Variants in MYRIP observed in about 807,000 individuals in gnomAD.
MYRIP encodes myosin VIIA and Rab interacting protein, also known as rab effector MyRIP.
In MYRIP, 49 loss-of-function variants were observed where a neutral mutation model predicts 98.0. The observed-to-expected ratio is 0.50, with a 90% CI of 0.40 to 0.63. The LOEUF is 0.63. MYRIP is among the 30% of genes least tolerant of loss of function. The probability of loss-of-function intolerance (pLI) is 0.00; values close to 1 mark genes in which losing one functional copy is unlikely to be tolerated. For missense variants in MYRIP, 1,004 were observed against 1,058.2 expected, an observed-to-expected ratio of 0.95 and a Z score of 0.71; for synonymous variants, 404 against 409.5, an observed-to-expected ratio of 0.99 and a Z score of 0.16.
At chr3:39,920,900 A>G (rs375730356) in intron 2 of MYRIP, among the ~76,000 whole-genome samples, 3 of 152,220 alleles carry the variant, frequency 2.0e-5, no homozygotes, top group African/African-American at 7.2e-5. Context: ...CAGCCTCTTC[A>G]CTTTTAAGGC....
At chr3:39,859,456 C>G (rs1460327810) in intron 1 of MYRIP, among the ~76,000 whole-genome samples, 1 of 152,188 alleles carries the variant, frequency 6.6e-6, no homozygotes, top group Admixed American at 6.5e-5. Context: ...ATTTAAAGAA[C>G]TGTTGCCAGT....
intron 8 of MYRIP, among the ~76,000 whole-genome samples, chr3:40,177,522 A>C (rs2125609114): frequency 6.6e-6 from 1 of 152,238 alleles, no homozygotes; most frequent in Non-Finnish European, 1.5e-5. Context: ...TGACTGCAAA[A>C]CCCAAACTTA....
chr3:39,832,886 A>C (rs9828117), intron 1 of MYRIP, among the ~76,000 whole-genome samples: 50,490 of 152,012 alleles, frequency 0.33, 8,767 homozygotes, highest in African/African-American at 0.42. Flanking sequence ...TTTCTGGGAA[A>C]CTACCCTAAG....
At chr3:39,826,390 T>A (rs1454145130) in intron 1 of MYRIP, among the ~76,000 whole-genome samples, 1 of 152,184 alleles carries the variant, frequency 6.6e-6, no homozygotes, top group East Asian at 1.9e-4. Context: ...AAATAATTTT[T>A]AAATTTCCTG....
intron 2 of MYRIP, among the ~76,000 whole-genome samples, chr3:39,959,786 A>T (rs987946208): frequency 1.3e-5 from 2 of 152,152 alleles, no homozygotes; most frequent in African/African-American, 4.8e-5. Flanking sequence ...ATATAATTAA[A>T]TATTGTGTAA....
intron 2 of MYRIP, among the ~76,000 whole-genome samples, chr3:39,918,693 T>G (rs1944232064): frequency 6.6e-6 from 1 of 152,236 alleles, no homozygotes; most frequent in African/African-American, 2.4e-5. Context: ...CAAGGAAAGA[T>G]AAGATGGTTG....
chr3:40,103,803 T>A (rs1177189199), intron 3 of MYRIP, among the ~76,000 whole-genome samples: 1 of 151,594 alleles, frequency 6.6e-6, no homozygotes, highest in African/African-American at 2.4e-5. Flanking sequence ...GAACAGGTAA[T>A]AAATTAGGAA....
At chr3:39,987,386 C>T (rs6777987) in intron 2 of MYRIP, among the ~76,000 whole-genome samples, 73,885 of 152,026 alleles carry the variant, frequency 0.49, 19,130 homozygotes, top group African/African-American at 0.69. Context: ...ATGTACCACA[C>T]TTTCTTTATC....
At chr3:39,871,910 A>G (rs1298744423) in intron 1 of MYRIP, among the ~76,000 whole-genome samples, 1 of 152,026 alleles carries the variant, frequency 6.6e-6, no homozygotes, top group Non-Finnish European at 1.5e-5. Flanking sequence ...GCTATAATAT[A>G]TATAAAATAT....
intron 1 of MYRIP, among the ~76,000 whole-genome samples, chr3:39,877,122 A>T (rs1943020767): frequency 6.6e-6 from 1 of 152,084 alleles, no homozygotes; most frequent in African/African-American, 2.4e-5. Context: ...CCTTTCTTCC[A>T]GTTGATCGCA....
Position 39,831,031 on chromosome 3 carries a change from C to T in MYRIP, c.-31+21115C>T, listed in dbSNP as rs754601506. Among the ~76,000 whole-genome samples, 41 of 152,134 alleles carry T rather than the reference C, an allele frequency of 2.7e-4. 1 individual carries two copies. The highest frequency in any genetic ancestry group is 6.5e-5 in the Admixed American group (1 of 15,272). On this transcript the variant is annotated intron_variant, in intron 1 of 16. Coordinates refer to ENST00000302541, the MANE Select transcript of MYRIP (RefSeq NM_015460.4). ...CTCATGATACTTAAAATTTTAGCAG[C>T]CTTCGAAGCAACCAATCTGTTAATC...
intron 2 of MYRIP, among the ~76,000 whole-genome samples, chr3:39,927,070 TGTG>T (rs777662291): frequency 2.0e-5 from 3 of 152,024 alleles, no homozygotes; most frequent in Non-Finnish European, 4.4e-5. Context: ...TTCCTAGGTG[TGTG>T]TTTGTGTGTG....
At chr3:39,882,050 C>G (rs890765939) in intron 1 of MYRIP, among the ~76,000 whole-genome samples, 6 of 151,866 alleles carry the variant, frequency 4.0e-5, no homozygotes, top group African/African-American at 1.5e-4. Context: ...AAAATTAATC[C>G]TTAGCATTTT....
intron 15 of MYRIP, 148 bp downstream of exon 15, chr3:40,250,647 A>G (rs572067906): frequency 1.1e-6 from 1 of 883,256 alleles, no homozygotes; most frequent in South Asian, 1.7e-5. Context: ...GGGTCCCCCC[A>G]GAAGCAAACC....
At chr3:40,123,185 A>G (rs1949441134) in intron 3 of MYRIP, among the ~76,000 whole-genome samples, 1 of 152,242 alleles carries the variant, frequency 6.6e-6, no homozygotes, top group Non-Finnish European at 1.5e-5. Flanking sequence ...AATCAGCATC[A>G]TGTTTGGATC....
chr3:39,866,548 G>T (rs533731962), intron 1 of MYRIP, among the ~76,000 whole-genome samples: 1 of 151,970 alleles, frequency 6.6e-6, no homozygotes, highest in African/African-American at 2.4e-5. Context: ...TCAGCTCACC[G>T]CAACCTCCAC....
At chr3:40,130,125 A>G (rs1039200299) in intron 3 of MYRIP, among the ~76,000 whole-genome samples, 3 of 152,322 alleles carry the variant, frequency 2.0e-5, no homozygotes, top group African/African-American at 4.8e-5. Context: ...CTAATTTGCC[A>G]TAAGAACACT....
intron 2 of MYRIP, among the ~76,000 whole-genome samples, chr3:39,934,078 A>G (rs755600682): frequency 6.6e-6 from 1 of 152,174 alleles, no homozygotes; most frequent in Non-Finnish European, 1.5e-5. Flanking sequence ...GCCTGCATAA[A>G]TGTCTGAGAA....
chr3:40,029,105 T>G (rs1409688374), intron 2 of MYRIP, among the ~76,000 whole-genome samples: 2 of 152,160 alleles, frequency 1.3e-5, no homozygotes, highest in African/African-American at 4.8e-5. Flanking sequence ...CCTATTTAAT[T>G]TAGTATCTCT....
Sources: gnomAD v4.1 joint callset for allele counts (sites outside exome capture counted in the v4.1 genomes callset) on GRCh38, gnomAD v4.1.1 for gene constraint, MANE v1.5 for transcripts, NCBI Gene and HGNC (gene_info 2026-07-23, HGNC 2026-07-21) for gene names.